Variants in DUSP22 observed in about 807,000 individuals in gnomAD.
DUSP22 encodes the protein dual specificity protein phosphatase 22.
A neutral mutation model predicts 24.5 loss-of-function variants in DUSP22; 24 were observed. The ratio of observed to expected loss-of-function variants is 0.98; its 90% CI spans 0.71 to 1.38. The LOEUF is 1.38. Among genes scored for constraint, DUSP22 ranks in the 40% most tolerant of loss-of-function variants. The pLI is 0.00. For missense variants in DUSP22, 330 were observed against 269.2 expected (o/e 1.23, Z -1.58); for synonymous variants, 160 against 106.4 (o/e 1.50, Z -3.10).
At chr6:307,163 T>A (rs1241183194) in intron 2 of DUSP22, among the ~76,000 whole-genome samples, 1 of 152,306 alleles carries the variant, frequency 6.6e-6, no homozygotes, top group Non-Finnish European at 1.5e-5. Flanking sequence ...CATATAGTCA[T>A]TTATCCTGCT....
chr6:299,570 C>T (rs1757490045), intron 1 of DUSP22, among the ~76,000 whole-genome samples: 1 of 152,310 alleles, frequency 6.6e-6, no homozygotes, highest in South Asian at 2.1e-4. Context: ...GATTGAGCAA[C>T]CTGCTTTCCA....
At chr6:333,806 G>T (rs936197496) in intron 3 of DUSP22, among the ~76,000 whole-genome samples, 36 of 152,404 alleles carry the variant, frequency 2.4e-4, no homozygotes, top group Non-Finnish European at 5.1e-4. Flanking sequence ...TGTGCTTCCC[G>T]GATCCCACTC....
At chr6:334,186 A>C (rs1759264128) in intron 3 of DUSP22, among the ~76,000 whole-genome samples, 1 of 152,306 alleles carries the variant, frequency 6.6e-6, no homozygotes, top group Non-Finnish European at 1.5e-5. Flanking sequence ...CTACTTCTCC[A>C]GTGTCTGATG....
intron 3 of DUSP22, among the ~76,000 whole-genome samples, chr6:313,968 G>T (rs558016296): frequency 4.6e-5 from 7 of 152,418 alleles, no homozygotes; most frequent in Admixed American, 3.9e-4. Context: ...TCTGTCTTGA[G>T]TTTCAAATCC....
chr6:298,118 C>G (rs1029466788), intron 1 of DUSP22, among the ~76,000 whole-genome samples: 2 of 152,306 alleles, frequency 1.3e-5, no homozygotes, highest in East Asian at 1.9e-4. Flanking sequence ...CACCACCCCC[C>G]GAGGGCTCTC....
In DUSP22 at chr6:349,565, T is replaced by C; in HGVS notation, c.*614T>C. Reference sequence around the variant, plus strand: ...CTCTCCCAGAACCCACCCAGGGTGGTGTGGTGGGGGCAACAGGGGCCAGAC... The same window carrying C: ...CTCTCCCAGAACCCACCCAGGGTGGCGTGGTGGGGGCAACAGGGGCCAGAC... On this transcript the variant is annotated 3_prime_UTR_variant, in exon 7 of 7. Transcript: ENST00000419235. 5.1e-6 allele frequency: 5 copies of C among 988,928 alleles called. No homozygotes were observed. The highest frequency in any genetic ancestry group is 6.0e-6 in the Non-Finnish European group (5 of 832,580). 61.3% of individuals were successfully genotyped at this position (988,928 alleles called of 1,614,324 possible).
At chr6:332,392 G>C (rs1189516259) in intron 3 of DUSP22, among the ~76,000 whole-genome samples, 1 of 152,306 alleles carries the variant, frequency 6.6e-6, no homozygotes, top group Non-Finnish European at 1.5e-5. Flanking sequence ...CCTCATCCTG[G>C]TGGTTCCCAG....
chr6:334,866 C>T (rs1759292628), intron 3 of DUSP22, among the ~76,000 whole-genome samples: 1 of 152,294 alleles, frequency 6.6e-6, no homozygotes, highest in African/African-American at 2.4e-5. Flanking sequence ...TTTGATGTGC[C>T]CTTTGAATTT....
At chr6:309,575 A>G (rs1224639845) in intron 2 of DUSP22, among the ~76,000 whole-genome samples, 5 of 152,294 alleles carry the variant, frequency 3.3e-5, no homozygotes, top group African/African-American at 9.6e-5. Flanking sequence ...CTGCTTCATC[A>G]TCAAGGCTTG....
chr6:323,006 T>A (rs1050150767), intron 3 of DUSP22, among the ~76,000 whole-genome samples: 14 of 152,306 alleles, frequency 9.2e-5, no homozygotes, highest in Non-Finnish European at 1.5e-4. Context: ...ATCTGCTGTT[T>A]TCAGGTGCTC....
intron 3 of DUSP22, chr6:320,251 C>T (rs981092018): frequency 2.0e-5 from 3 of 152,714 alleles, no homozygotes; most frequent in Admixed American, 6.5e-5. Context: ...ACCAGCCTCT[C>T]CTTACAACTG....
At chr6:317,266 G>T (rs11961691) in intron 3 of DUSP22, among the ~76,000 whole-genome samples, 969 of 151,864 alleles carry the variant, frequency 6.4e-3, no homozygotes, top group African/African-American at 0.023. Flanking sequence ...CGGCCACGTG[G>T]GCCTGAGGCC....
intron 1 of DUSP22, among the ~76,000 whole-genome samples, chr6:303,994 G>C (rs1693676521): frequency 2.0e-5 from 3 of 152,304 alleles, no homozygotes; most frequent in Non-Finnish European, 4.4e-5. Context: ...GCATATATGT[G>C]GAGGTTGGAT....
At chr6:309,336 C>G (rs1757961662) in intron 2 of DUSP22, among the ~76,000 whole-genome samples, 3 of 152,300 alleles carry the variant, frequency 2.0e-5, no homozygotes, top group Non-Finnish European at 2.9e-5. Context: ...TTTTTTCTTT[C>G]TCACTTTGGG....
rs1760143710 is a variant in DUSP22, at chr6:350,476, A to G, written c.*1525A>G. 2 of 1,176,608 alleles carry G rather than the reference A, an allele frequency of 1.7e-6. No individual in the cohort carries two copies. Among genetic ancestry groups the G allele is most frequent in the Admixed American group, 4.3e-5 (1 of 23,162 alleles). 72.9% of individuals were successfully genotyped at this position (1,176,608 alleles called of 1,614,324 possible). On this transcript the variant is annotated 3_prime_UTR_variant, in exon 7 of 7. Transcript: ENST00000419235. Reference sequence around the variant, plus strand: ...ATTCCACCACAAAAAGAGACCCTGAATAAGAAGAGCAGTTTTCCTGTGCAT... The same window carrying G: ...ATTCCACCACAAAAAGAGACCCTGAGTAAGAAGAGCAGTTTTCCTGTGCAT...
At position 350,830 on chromosome 6, in the gene DUSP22, G is replaced by C. The variant is rs757843915; in HGVS notation, c.*1879G>C. 9 of 1,614,276 alleles carry C rather than the reference G, an allele frequency of 5.6e-6. No individual in the cohort carries two copies. Among genetic ancestry groups the C allele is most frequent in the Non-Finnish European group, 7.6e-6 (9 of 1,180,030 alleles). On this transcript the variant is annotated 3_prime_UTR_variant, in exon 7 of 7. Coordinates refer to ENST00000419235, the MANE Select transcript of DUSP22 (RefSeq NM_001286555.3). ...ATGTTCTTTCTTCACAGCCGCTCCG[G>C]GAATTCTGAAGTTCTGGGCCTTTCT...
At chr6:293,439 A>T (rs918616263) in intron 1 of DUSP22, among the ~76,000 whole-genome samples, 2 of 152,294 alleles carry the variant, frequency 1.3e-5, no homozygotes, top group African/African-American at 2.4e-5. Context: ...AAAGACAAGT[A>T]CCTTTTTACG....
At chr6:293,423 C>T (rs1321604651) in intron 1 of DUSP22, among the ~76,000 whole-genome samples, 1 of 152,292 alleles carries the variant, frequency 6.6e-6, no homozygotes, top group South Asian at 2.1e-4. Flanking sequence ...TTACAAAGCC[C>T]GCAACAAAGA....
Position 351,119 on chromosome 6 carries a change from G to A in DUSP22, c.*2168G>A, listed in dbSNP as rs1214358674. 3.3e-6 allele frequency: 2 copies of A among 598,254 alleles called. No individual in the cohort carries two copies. The highest frequency in any genetic ancestry group is 5.6e-6 in the Non-Finnish European group (2 of 356,034). 37.1% of individuals were successfully genotyped at this position (598,254 alleles called of 1,614,324 possible). A position where few individuals can be genotyped will look rare whatever the true frequency, so the allele number is the denominator to read the frequency against. On this transcript the variant is annotated 3_prime_UTR_variant, in exon 7 of 7. Transcript: ENST00000419235. Reference sequence around the variant, plus strand: ...GCTTGGATGCCTGTAAGGATCCCGGGAGCCTTGCCGCACTGCCTTGTGGGT... The same window carrying A: ...GCTTGGATGCCTGTAAGGATCCCGGAAGCCTTGCCGCACTGCCTTGTGGGT...
Sources: allele counts gnomAD v4.1 joint callset (sites outside exome capture counted in the v4.1 genomes callset), GRCh38; gene constraint gnomAD v4.1.1; transcripts MANE v1.5; gene names NCBI Gene and HGNC (gene_info 2026-07-23, HGNC 2026-07-21).